Variants in MROH2B observed in about 807,000 individuals in gnomAD.
The protein encoded by MROH2B is maestro heat like repeat family member 2B.
A neutral mutation model predicts 208.6 loss-of-function variants in MROH2B; 177 were observed. The observed-to-expected ratio is 0.85, with a 90% CI of 0.75 to 0.96. The LOEUF (loss-of-function observed/expected upper bound fraction) is 0.96, where lower values mean the gene tolerates loss of function less well. Ranked by LOEUF, MROH2B falls within the 40% of genes least tolerant of loss-of-function variation. The probability of loss-of-function intolerance (pLI) is 0.00; values close to 1 mark genes in which losing one functional copy is unlikely to be tolerated. For synonymous variants in MROH2B, 728 were observed against 659.0 expected (o/e 1.10, Z -1.60); for missense variants, 2,002 against 1,878.7 (o/e 1.07, Z -1.21).
rs1741527706 is a variant in MROH2B at position 41,004,907 on chromosome 5, G to A, written c.3878C>T (p.Pro1293Leu). ...AAFFSELMKEPILWKHGNLRN... is the reference protein window; with the variant it reads ...AAFFSELMKELILWKHGNLRN... Reference sequence around the variant, plus strand: ...CAGATTCCCATGCTTCCAAAGGATTGGTTCCTTCATGAGCTGAAATAATCA... The same window carrying A: ...CAGATTCCCATGCTTCCAAAGGATTAGTTCCTTCATGAGCTGAAATAATCA... Residue 1293 changes from proline (P) to leucine (L), a missense_variant, in exon 36 of 42, where the codon CCA becomes CTA. Physicochemically the swap from Pro to Leu is moderately conservative, Grantham distance 98. Transcript: ENST00000399564. The A allele has an allele frequency of 1.9e-6, 3 of 1,613,802 alleles. No homozygotes were observed. Among genetic ancestry groups the A allele is most frequent in the Non-Finnish European group, 2.5e-6 (3 of 1,179,812 alleles).
rs780774072 is a variant in MROH2B, at chr5:41,008,597, G to A, written c.3608+9C>T. 6.2e-7 allele frequency: 1 copy of A among 1,612,700 alleles called. No homozygotes were observed. Among genetic ancestry groups the A allele is most frequent in the Non-Finnish European group, 8.5e-7 (1 of 1,179,346 alleles). Reference sequence around the variant, plus strand: ...CACTGTGGAAGATGCTTCCTGATTGGCCGTTTACCTGCAGGGGTCTGGGAT... The same window carrying A: ...CACTGTGGAAGATGCTTCCTGATTGACCGTTTACCTGCAGGGGTCTGGGAT... On this transcript the variant is annotated intron_variant, in intron 33 of 41. Transcript: ENST00000399564.
rs973105212 is a variant in MROH2B at position 41,042,087 on chromosome 5, C to T, written c.1953+5G>A. ...TAAGAGGAAATTGAGAGCAAGGGGT[C>T]CCACCTGTCTTTGATCCCCCAGTTG... On this transcript the variant is annotated splice_donor_5th_base_variant and intron_variant, in intron 19 of 41. Coordinates refer to ENST00000399564, the MANE Select transcript of MROH2B (RefSeq NM_173489.5). 9 of 1,536,996 alleles carry T rather than the reference C, an allele frequency of 5.9e-6. No individual in the cohort carries two copies. The African/African-American group carries it at 1.1e-4, about 19-fold the overall frequency.
chr5:41,055,645 G>T, intron 10 of MROH2B, 97 bp downstream of exon 10: 1 of 802,938 alleles, frequency 1.2e-6, no homozygotes, highest in Non-Finnish European at 2.1e-6. Context: ...TGTTATATAA[G>T]CATCCAAAAG....
chr5:41,062,550 C>T (rs377364430), intron 5 of MROH2B, among the ~76,000 whole-genome samples: 1 of 152,142 alleles, frequency 6.6e-6, no homozygotes, highest in African/African-American at 2.4e-5. Flanking sequence ...TGCCAAAATA[C>T]CATTTGGGCC....
chr5:41,027,804 A>T (rs1340317174), intron 24 of MROH2B, among the ~76,000 whole-genome samples: 1 of 152,236 alleles, frequency 6.6e-6, no homozygotes, highest in Non-Finnish European at 1.5e-5. Flanking sequence ...CCCATCAATG[A>T]TAGACTGGAT....
intron 9 of MROH2B, among the ~76,000 whole-genome samples, chr5:41,056,723 A>G (rs779023208): frequency 1.3e-5 from 2 of 151,648 alleles, no homozygotes; most frequent in African/African-American, 4.9e-5. Context: ...GATGACCAGG[A>G]AGAGAAAAGG....
intron 21 of MROH2B, among the ~76,000 whole-genome samples, chr5:41,034,550 C>G: frequency 6.6e-6 from 1 of 152,148 alleles, no homozygotes; most frequent in East Asian, 1.9e-4. Context: ...TTCAGATAAC[C>G]CTTACCATTT....
intron 18 of MROH2B, among the ~76,000 whole-genome samples, chr5:41,042,860 C>A (rs930133434): frequency 6.6e-6 from 1 of 152,228 alleles, no homozygotes; most frequent in African/African-American, 2.4e-5. Flanking sequence ...CTGCTTCAGC[C>A]TCCTGAAGTG....
intron 28 of MROH2B, among the ~76,000 whole-genome samples, chr5:41,016,179 C>T (rs1372697049): frequency 6.6e-6 from 1 of 151,458 alleles, no homozygotes; most frequent in Non-Finnish European, 1.5e-5. Flanking sequence ...TTTCAGACTC[C>T]TCATTTTCAA....
intron 30 of MROH2B, among the ~76,000 whole-genome samples, chr5:41,010,324 A>G (rs894170162): frequency 6.6e-6 from 1 of 152,230 alleles, no homozygotes; most frequent in Admixed American, 6.5e-5. Context: ...TGTGTTTGCC[A>G]TTGTCGGAAT....
Position 41,005,624 on chromosome 5 carries a change from G to A in MROH2B, c.3771C>T (p.His1257=), listed in dbSNP as rs770621522. Residue 1257 remains histidine (H), a synonymous_variant, in exon 35 of 42, where the codon CAC becomes CAT. Transcript: ENST00000399564. ...SLARSMAVWQ[H]GVILDIMEQL... is the part of the protein sequence containing the mutation. ...GTTCCATGATGTCCAGTATGACTCC[G>A]TGTTGCCACACTGCCATGCTCCTAG... is the stretch of plus-strand genomic sequence containing the variant. The A allele has an allele frequency of 1.6e-5, 26 of 1,611,554 alleles. No homozygotes were observed. The South Asian group carries it at 2.2e-4, about 14-fold the overall frequency.
chr5:41,035,985 T>C (rs1320139662), intron 21 of MROH2B, among the ~76,000 whole-genome samples: 1 of 152,082 alleles, frequency 6.6e-6, no homozygotes, highest in Non-Finnish European at 1.5e-5. Context: ...ATTCCATTAC[T>C]GGGAATATAT....
At position 41,063,747 on chromosome 5, in the gene MROH2B, A is replaced by G. The variant is rs535752820; in HGVS notation, c.460+725T>C. Among the ~76,000 whole-genome samples, 5 of 152,308 alleles carry G rather than the reference A, an allele frequency of 3.3e-5. No homozygotes were observed. The South Asian group carries it at 1.0e-3, about 32-fold the overall frequency. Reference sequence around the variant, plus strand: ...TTGAAACTGGGACTGAGAGAAGGGCAGGGTCACCTGGTGGCTCAGTGGCTG... The same window carrying G: ...TTGAAACTGGGACTGAGAGAAGGGCGGGGTCACCTGGTGGCTCAGTGGCTG... On this transcript the variant is annotated intron_variant, in intron 5 of 41. Coordinates refer to ENST00000399564, the MANE Select transcript of MROH2B (RefSeq NM_173489.5).
chr5:41,058,084 C>T lies in MROH2B; in HGVS notation c.735G>A (p.Glu245=). 1 of 1,594,386 alleles carries T rather than the reference C, an allele frequency of 6.3e-7. No homozygotes were observed. Among genetic ancestry groups the T allele is most frequent in the Non-Finnish European group, 8.5e-7 (1 of 1,170,452 alleles). ...TTACCTGAGTGACATGGAAATCAAT[C>T]TCTTTGTCTTTATACTGGTTCAGGA... The part of the protein sequence containing the change: ...PWLLNQYKDK[E]IDFHVTQSLK... Residue 245 remains glutamate (E), a synonymous_variant, in exon 7 of 42, where the codon GAG becomes GAA. Coordinates refer to ENST00000399564, the MANE Select transcript of MROH2B (RefSeq NM_173489.5).
Position 40,998,093 on chromosome 5 carries a change from T to G in MROH2B, c.4717A>C (p.Thr1573Pro). The part of the protein sequence containing the change: ...VQRAAEAALQ[T>P]LLRRCKETSI... The stretch of plus-strand genomic sequence containing the variant: ...GTCTCTTTACACCTTCTCAGGAGGG[T>G]TTGCAAAGCAGCCTCAGCTGCTCTC... The change falls in exon 42 of 42, where the codon ACC (threonine) becomes CCC (proline). Residue 1573 changes from threonine to proline, a missense_variant. Transcript: ENST00000399564. 6.2e-7 allele frequency: 1 copy of G among 1,612,462 alleles called. No homozygotes were observed. The highest frequency in any genetic ancestry group is 8.5e-7 in the Non-Finnish European group (1 of 1,178,786).
chr5:41,050,721 A>G (rs994195952), intron 13 of MROH2B, among the ~76,000 whole-genome samples: 3 of 152,172 alleles, frequency 2.0e-5, no homozygotes, highest in African/African-American at 7.2e-5. Context: ...GAGGAAGAAG[A>G]GAAATAGTAT....
chr5:41,045,644 G>A (rs188951475), intron 18 of MROH2B, 102 bp downstream of exon 18: 217 of 800,544 alleles, frequency 2.7e-4, no homozygotes, highest in Non-Finnish European at 4.0e-4. Context: ...TTTTTTAAAT[G>A]TTCCTCCCTC....
intron 21 of MROH2B, among the ~76,000 whole-genome samples, chr5:41,034,859 A>T (rs1048678844): frequency 2.0e-5 from 3 of 152,092 alleles, no homozygotes; most frequent in Admixed American, 6.6e-5. Flanking sequence ...AATAGCCACA[A>T]AGAAAATGAA....
chr5:41,017,840 T>C lies in MROH2B; in HGVS notation c.2884+10A>G. The C allele has an allele frequency of 6.3e-7, 1 of 1,575,528 alleles. No individual in the cohort carries two copies. The highest frequency in any genetic ancestry group is 1.4e-5 in the African/African-American group (1 of 73,696). Reference sequence around the variant, plus strand: ...TTTCTTCATTTGTGGGTTCCCCATCTTTCCCTCACCTTTTATATAGAACAG... The same window carrying C: ...TTTCTTCATTTGTGGGTTCCCCATCCTTCCCTCACCTTTTATATAGAACAG... On this transcript the variant is annotated intron_variant, in intron 28 of 41. Transcript: ENST00000399564.
Sources: gnomAD v4.1 joint callset for allele counts (sites outside exome capture counted in the v4.1 genomes callset) on GRCh38, gnomAD v4.1.1 for gene constraint, MANE v1.5 for transcripts, NCBI Gene and HGNC (gene_info 2026-07-23, HGNC 2026-07-21) for gene names.